Variants in MYSM1 observed in about 807,000 individuals in gnomAD.
MYSM1 encodes Myb like, SWIRM and MPN domains 1, also known as deubiquitinase MYSM1.
Under a neutral mutation model 116.0 loss-of-function variants are expected in MYSM1, and 51 were observed. The observed-to-expected ratio is 0.44, with a 90% confidence interval of 0.35 to 0.56. MYSM1 has a LOEUF of 0.56. Ranked by LOEUF, MYSM1 falls within the 20% of genes least tolerant of loss-of-function variation. MYSM1 has a pLI of 0.00. For synonymous variants in MYSM1, 313 were observed against 315.2 expected (o/e 0.99, Z 0.07); for missense variants, 900 against 974.9 (o/e 0.92, Z 1.02).
At chr1:58,665,753 G>T in intron 16 of MYSM1, 122 bp from the exon 17 acceptor site, 1 of 697,272 alleles carries the variant, frequency 1.4e-6, no homozygotes, top group Non-Finnish European at 2.3e-6. Flanking sequence ...GCATTAAAAA[G>T]TTCACATCTG....
intron 3 of MYSM1, among the ~76,000 whole-genome samples, chr1:58,690,628 G>A (rs199975285): frequency 6.6e-6 from 1 of 151,848 alleles, no homozygotes; most frequent in East Asian, 1.9e-4. Context: ...CTTCAAATGT[G>A]GCCCAACACA....
chr1:58,663,068 G>C (rs1041300316), intron 17 of MYSM1, among the ~76,000 whole-genome samples: 3 of 152,074 alleles, frequency 2.0e-5, no homozygotes, highest in African/African-American at 4.8e-5. Context: ...TCATTTTACA[G>C]ATGTAGCAAA....
At chr1:58,697,012 T>C (rs1170894150) in intron 1 of MYSM1, among the ~76,000 whole-genome samples, 2 of 152,022 alleles carry the variant, frequency 1.3e-5, no homozygotes, top group Non-Finnish European at 2.9e-5. Context: ...CGAGGAGCAG[T>C]TAAGAGGGAG....
chr1:58,677,021 G>A lies in MYSM1; in HGVS notation c.1295C>T (p.Ser432Leu), dbSNP rs745618010. 6.2e-7 allele frequency: 1 copy of A among 1,608,560 alleles called. No homozygotes were observed. Residue 432 changes from serine to leucine, a missense_variant, in exon 9 of 20, where the codon TCA becomes TTA. By Grantham distance (145) the Ser-to-Leu change is moderately radical. Transcript: ENST00000472487. ...ICKPKYLNKT[S>L]VRPGLKNCGD... ...ACAGTTCTTCAGGCCAGGACGTACT[G>A]AGGTCTTATTTAAGTATTTTGGTTT...
At position 58,655,674 on chromosome 1, in the gene MYSM1, AT is replaced by A. The variant is rs1644310899; in HGVS notation, c.*4322del. 1 of 152,186 alleles carries A rather than the reference AT, an allele frequency of 6.6e-6. No homozygotes were observed. The highest frequency in any genetic ancestry group is 2.1e-4 in the South Asian group (1 of 4,830). 9.4% of individuals were successfully genotyped at this position (152,186 alleles called of 1,614,324 possible). A position where few individuals can be genotyped will look rare whatever the true frequency, so the allele number is the denominator to read the frequency against. On this transcript the variant is annotated 3_prime_UTR_variant, in exon 20 of 20. Transcript: ENST00000472487. ...GGTCAGGAAATATATCCTAAAGTAT[AT>A]TACATTATTCTCCCACAGTGATTTT...
chr1:58,658,040 T>C lies in MYSM1; in HGVS notation c.*1957A>G, dbSNP rs1015211311. ...GGAAACAGGTCAAAAGGAAGATGAGTACAAAGGAATCAATCACTGCCTTTC... is the reference window on the plus strand; with the variant it reads ...GGAAACAGGTCAAAAGGAAGATGAGCACAAAGGAATCAATCACTGCCTTTC... On this transcript the variant is annotated 3_prime_UTR_variant, in exon 20 of 20. Coordinates refer to ENST00000472487, the MANE Select transcript of MYSM1 (RefSeq NM_001085487.3). 2.0e-5 allele frequency: 3 copies of C among 152,156 alleles called. No homozygotes were observed. The highest frequency in any genetic ancestry group is 4.4e-5 in the Non-Finnish European group (3 of 68,030). The allele number at this position is 152,156 out of a possible 1,614,324, so 9.4% of individuals were successfully genotyped here.
intron 8 of MYSM1, among the ~76,000 whole-genome samples, chr1:58,680,010 G>A (rs1046003917): frequency 3.0e-4 from 42 of 138,570 alleles, no homozygotes; most frequent in Admixed American, 3.0e-3. Flanking sequence ...CTGGGAGAAA[G>A]AGTGAGACTC....
At chr1:58,678,000 A>G (rs1467241654) in intron 8 of MYSM1, among the ~76,000 whole-genome samples, 6 of 152,168 alleles carry the variant, frequency 3.9e-5, no homozygotes, top group Non-Finnish European at 7.4e-5. Context: ...ATATTGTTCT[A>G]AGCACTAGAG....
intron 14 of MYSM1, 88 bp downstream of exon 14, chr1:58,668,544 G>A (rs548897353): frequency 1.2e-5 from 17 of 1,445,582 alleles, no homozygotes; most frequent in Admixed American, 3.3e-5. Context: ...CAAAATACAC[G>A]TCTTCCATAC....
rs779571528 is a variant in MYSM1, at chr1:58,687,195, G to T, written c.399+1843C>A. 4.4e-4 allele frequency among the ~76,000 whole-genome samples: 67 copies of T among 152,178 alleles called. No individual in the cohort carries two copies. In the Middle Eastern group the frequency reaches 0.014, roughly 31 times the overall value. On this transcript the variant is annotated intron_variant, in intron 6 of 19. Coordinates refer to ENST00000472487, the MANE Select transcript of MYSM1 (RefSeq NM_001085487.3). ...TACAACTAATAATTCCATGCTTGTT[G>T]TGTAGGAAAACATTCCAAGTTTAAA...
At chr1:58,698,098 A>ATTTTTTTTTTTTTTTTTT (rs1386142383) in intron 1 of MYSM1, among the ~76,000 whole-genome samples, 1 of 30,234 alleles carries the variant, frequency 3.3e-5, no homozygotes, top group African/African-American at 1.3e-4. Flanking sequence ...ATATATATAT[A>ATTTTTTTTTTTTTTTTTT]TATATTTTTT....
At chr1:58,689,911 G>T (rs1644879130) in intron 5 of MYSM1, among the ~76,000 whole-genome samples, 1 of 152,138 alleles carries the variant, frequency 6.6e-6, no homozygotes, top group Admixed American at 6.5e-5. Flanking sequence ...TTAACTGACA[G>T]AGTAAAAGAA....
At position 58,656,900 on chromosome 1, in the gene MYSM1, C is replaced by T. The variant is rs566537860; in HGVS notation, c.*3097G>A. The T allele has an allele frequency of 6.6e-6, 1 of 152,172 alleles. No individual in the cohort carries two copies. The highest frequency in any genetic ancestry group is 2.4e-5 in the African/African-American group (1 of 41,532). The allele number at this position is 152,172 out of a possible 1,614,324, so 9.4% of individuals were successfully genotyped here. On this transcript the variant is annotated 3_prime_UTR_variant, in exon 20 of 20. Coordinates refer to ENST00000472487, the MANE Select transcript of MYSM1 (RefSeq NM_001085487.3). ...AATGTTTTAATCTAAAATATTAATA[C>T]ATTCATTTCATACAGATACAATTGT...
At chr1:58,680,192 C>T (rs1364169564) in intron 8 of MYSM1, among the ~76,000 whole-genome samples, 1 of 152,200 alleles carries the variant, frequency 6.6e-6, no homozygotes, top group Non-Finnish European at 1.5e-5. Flanking sequence ...TAGTCTTTGT[C>T]ATTAGTGTGA....
chr1:58,697,119 GAA>G (rs922297901), intron 1 of MYSM1, among the ~76,000 whole-genome samples: 1 of 152,186 alleles, frequency 6.6e-6, no homozygotes, highest in Non-Finnish European at 1.5e-5. Context: ...TATTTAGACA[GAA>G]TCAACAGCCC....
intron 7 of MYSM1, among the ~76,000 whole-genome samples, chr1:58,682,819 C>T (rs972554824): frequency 6.6e-6 from 1 of 151,992 alleles, no homozygotes; most frequent in African/African-American, 2.4e-5. Flanking sequence ...CCTCAGCCTC[C>T]CGAATAGCTG....
chr1:58,691,593 C>T (rs1172226077), intron 3 of MYSM1, among the ~76,000 whole-genome samples: 7 of 152,018 alleles, frequency 4.6e-5, no homozygotes, highest in Non-Finnish European at 7.4e-5. Flanking sequence ...TTTGGCCGGG[C>T]GCAGTGGCTC....
Position 58,667,941 on chromosome 1 carries a change from G to A in MYSM1, c.1768-20C>T. 2.5e-6 allele frequency: 4 copies of A among 1,588,116 alleles called. No homozygotes were observed. The highest frequency in any genetic ancestry group is 3.5e-6 in the Non-Finnish European group (4 of 1,156,622). The stretch of plus-strand genomic sequence containing the variant: ...AGCATGCTAAAAGAAATACAAGACA[G>A]ACTTAGCCCAAACGCACAAACCCAC... On this transcript the variant is annotated intron_variant, in intron 14 of 19. Coordinates refer to ENST00000472487, the MANE Select transcript of MYSM1 (RefSeq NM_001085487.3).
chr1:58,667,247 A>G, intron 15 of MYSM1, 21 bp from the exon 16 acceptor site: 1 of 1,448,272 alleles, frequency 6.9e-7, no homozygotes, highest in South Asian at 1.6e-5. Flanking sequence ...TTGATCCTCA[A>G]ATGATTATAC....
Sources: allele counts gnomAD v4.1 joint callset (sites outside exome capture counted in the v4.1 genomes callset), GRCh38; gene constraint gnomAD v4.1.1; transcripts MANE v1.5; gene names NCBI Gene and HGNC (gene_info 2026-07-23, HGNC 2026-07-21).